Variants in NR3C2 observed in about 807,000 individuals in gnomAD.
NR3C2 encodes mineralocorticoid receptor.
Under a neutral mutation model 86.4 loss-of-function variants are expected in NR3C2, and 15 were observed. The observed-to-expected ratio is 0.17, with a 90% CI of 0.12 to 0.27. NR3C2 has a LOEUF of 0.27. Ranked by LOEUF, NR3C2 falls within the 10% of genes least tolerant of loss-of-function variation. The probability of loss-of-function intolerance (pLI) is 1.00; values close to 1 mark genes in which losing one functional copy is unlikely to be tolerated. For missense variants in NR3C2, 960 were observed against 1,195.6 expected (o/e 0.80, Z 2.91); for synonymous variants, 458 against 450.5 (o/e 1.02, Z -0.21).
chr4:148,426,298 T>C (rs1026446222), intron 2 of NR3C2, among the ~76,000 whole-genome samples: 1 of 152,194 alleles, frequency 6.6e-6, no homozygotes, highest in African/African-American at 2.4e-5. Flanking sequence ...CATCTGTCAA[T>C]GGCTCTTAGG....
chr4:148,123,621 CTCTCTTTATACTG>C (rs1732614309), intron 6 of NR3C2, among the ~76,000 whole-genome samples: 1 of 152,224 alleles, frequency 6.6e-6, no homozygotes, highest in African/African-American at 2.4e-5. Context: ...TGTAAAATTC[CTCTCTTTATACTG>C]TCTCTTTATT....
At position 148,376,723 on chromosome 4, in the gene NR3C2, T is replaced by C. The variant is rs1746699421; in HGVS notation, c.1757+58381A>G. ...CCTGAAACAAAAGCTTTAACTAAAA[T>C]TTTGTTGGTAAGATTTAATACATAT... On this transcript the variant is annotated intron_variant, in intron 2 of 8. Transcript: ENST00000358102. 4.6e-5 allele frequency among the ~76,000 whole-genome samples: 7 copies of C among 152,336 alleles called. No homozygotes were observed. In the South Asian group the frequency reaches 1.5e-3, roughly 32 times the overall value.
intron 2 of NR3C2, among the ~76,000 whole-genome samples, chr4:148,293,315 T>C (rs1274159215): frequency 6.6e-6 from 1 of 152,204 alleles, no homozygotes; most frequent in East Asian, 1.9e-4. Context: ...GAAATTATTT[T>C]GCTTTGGTAG....
intron 2 of NR3C2, among the ~76,000 whole-genome samples, chr4:148,277,987 A>C (rs1415339673): frequency 6.6e-6 from 1 of 152,264 alleles, no homozygotes; most frequent in Non-Finnish European, 1.5e-5. Flanking sequence ...AGGAGAATAC[A>C]TTCCTAGCAT....
At chr4:148,201,314 A>T (rs76057091) in intron 3 of NR3C2, among the ~76,000 whole-genome samples, 28 of 152,318 alleles carry the variant, frequency 1.8e-4, no homozygotes, top group African/African-American at 5.3e-4. Context: ...GAGCTCAAAG[A>T]TGTGCTTAGC....
chr4:148,241,443 T>C (rs13108682), intron 3 of NR3C2, among the ~76,000 whole-genome samples: 123,842 of 123,842 alleles, frequency 1, 61,921 homozygotes, highest in Non-Finnish European at 1. Context: ...TTATCTCCCT[T>C]CCATACCACA....
chr4:148,113,943 G>A (rs1258644468), intron 8 of NR3C2, among the ~76,000 whole-genome samples, 161 bp downstream of exon 8: 3 of 152,158 alleles, frequency 2.0e-5, no homozygotes, highest in Admixed American at 2.0e-4. Flanking sequence ...CCCTGGCTCT[G>A]GGTCTCTTCT....
intron 2 of NR3C2, among the ~76,000 whole-genome samples, chr4:148,333,881 G>C (rs965298095): frequency 6.6e-6 from 1 of 152,056 alleles, no homozygotes; most frequent in Non-Finnish European, 1.5e-5. Flanking sequence ...TGCAAAACTA[G>C]CTTTTTCTTA....
intron 3 of NR3C2, among the ~76,000 whole-genome samples, chr4:148,235,515 T>C (rs868385720): frequency 6.6e-6 from 1 of 152,148 alleles, no homozygotes. Context: ...AGCAGAATTG[T>C]TCGGTGGACT....
chr4:148,247,776 C>T (rs954446692), intron 3 of NR3C2, among the ~76,000 whole-genome samples: 2 of 151,950 alleles, frequency 1.3e-5, no homozygotes, highest in Middle Eastern at 3.4e-3. Context: ...TTTCCATTTC[C>T]GGTTACTGCT....
chr4:148,115,331 A>C (rs1732225878), intron 7 of NR3C2, among the ~76,000 whole-genome samples: 1 of 152,218 alleles, frequency 6.6e-6, no homozygotes, highest in Non-Finnish European at 1.5e-5. Context: ...CAGGTTTAGG[A>C]CAGAGTTTAA....
intron 3 of NR3C2, among the ~76,000 whole-genome samples, chr4:148,214,273 T>TA (rs1324852891): frequency 6.6e-6 from 1 of 152,236 alleles, no homozygotes; most frequent in Non-Finnish European, 1.5e-5. Flanking sequence ...ATATTGATTC[T>TA]AAAGTTGGGC....
At chr4:148,201,272 G>A (rs1342783289) in intron 3 of NR3C2, 1 of 152,266 alleles carries the variant, frequency 6.6e-6, no homozygotes, top group Non-Finnish European at 1.5e-5. Context: ...AGTTGAGCCA[G>A]TGTGGCACAG....
chr4:148,378,949 GAAT>G (rs1486481568), intron 2 of NR3C2, among the ~76,000 whole-genome samples: 10 of 152,050 alleles, frequency 6.6e-5, no homozygotes, highest in South Asian at 2.1e-4. Context: ...TCAAATAATA[GAAT>G]ATTATATAGC....
chr4:148,191,924 T>G (rs1736215609), intron 4 of NR3C2, among the ~76,000 whole-genome samples: 1 of 152,240 alleles, frequency 6.6e-6, no homozygotes, highest in Non-Finnish European at 1.5e-5. Flanking sequence ...TGGATTGGGC[T>G]TTGCCTTTCT....
chr4:148,436,812 T>G lies in NR3C2; in HGVS notation c.49A>C (p.Arg17=). The change falls in exon 2 of 9, where the codon AGA becomes CGA. Residue 17 remains arginine, a synonymous_variant. Coordinates refer to ENST00000358102, the MANE Select transcript of NR3C2 (RefSeq NM_000901.5). ...HSLPEGLDME[R]RWGQVSQAVE... is the part of the protein sequence containing the mutation. ...GCCTGAGAAACTTGACCCCACCGTC[T>G]TTCCATATCTAGACCTTCAGGGAGA... 6.2e-7 allele frequency: 1 copy of G among 1,612,792 alleles called. No homozygotes were observed. The highest frequency in any genetic ancestry group is 8.5e-7 in the Non-Finnish European group (1 of 1,179,914).
At chr4:148,321,843 C>G (rs527937809) in intron 2 of NR3C2, among the ~76,000 whole-genome samples, 1 of 152,160 alleles carries the variant, frequency 6.6e-6, no homozygotes, top group Non-Finnish European at 1.5e-5. Context: ...ATTTGCCAGT[C>G]TGTGTCTTTT....
In NR3C2 at chr4:148,435,033, T is replaced by C. The variant is rs72645624; in HGVS notation, c.1757+71A>G. ...CTGAAATGTGTTTAAATTTATCAAC[T>C]GTAAAGATAATGCTAACCTTCAACA... On this transcript the variant is annotated intron_variant, in intron 2 of 8. Coordinates refer to ENST00000358102, the MANE Select transcript of NR3C2 (RefSeq NM_000901.5). The C allele has an allele frequency of 1.1e-5, 16 of 1,406,486 alleles. No individual in the cohort carries two copies. In the African/African-American group the frequency reaches 1.8e-4, roughly 16 times the overall value. 87.1% of individuals were successfully genotyped at this position (1,406,486 alleles called of 1,614,324 possible). A position where few individuals can be genotyped will look rare whatever the true frequency, so the allele number is the denominator to read the frequency against.
At chr4:148,266,917 C>T (rs192738090) in intron 2 of NR3C2, among the ~76,000 whole-genome samples, 294 of 152,188 alleles carry the variant, frequency 1.9e-3, no homozygotes, top group Middle Eastern at 6.8e-3. Context: ...TACTGGATGG[C>T]GACACTATTA....
Sources: gnomAD v4.1 joint callset for allele counts (sites outside exome capture counted in the v4.1 genomes callset) on GRCh38, gnomAD v4.1.1 for gene constraint, MANE v1.5 for transcripts, NCBI Gene and HGNC (gene_info 2026-07-23, HGNC 2026-07-21) for gene names.